ASXL3: variants seen among roughly 807,000 people sequenced by gnomAD.
ASXL3 encodes the protein ASXL transcriptional regulator 3, also known as putative Polycomb group protein ASXL3.
Under a neutral mutation model 170.6 loss-of-function variants are expected in ASXL3, and 34 were observed. The observed-to-expected ratio is 0.20, with a 90% confidence interval of 0.15 to 0.27. The LOEUF is 0.27. Ranked by LOEUF, ASXL3 falls within the 10% of genes least tolerant of loss-of-function variation. ASXL3 has a pLI of 1.00. For synonymous variants in ASXL3, 1,002 were observed against 989.1 expected (o/e 1.01, Z -0.24); for missense variants, 2,592 against 2,695.3 (o/e 0.96, Z 0.85).
At chr18:33,720,014 G>T (rs1011551947) in intron 8 of ASXL3, among the ~76,000 whole-genome samples, 8 of 152,016 alleles carry the variant, frequency 5.3e-5, no homozygotes, top group Non-Finnish European at 1.2e-4. Context: ...TATGGAAGAA[G>T]AAGTAGATCA....
chr18:33,617,454 G>A (rs1049433013), intron 2 of ASXL3, among the ~76,000 whole-genome samples: 3 of 152,246 alleles, frequency 2.0e-5, no homozygotes, highest in South Asian at 2.1e-4. Flanking sequence ...TGATGCCACC[G>A]CACTCCAGCC....
At chr18:33,620,692 A>G (rs2065498394) in intron 2 of ASXL3, among the ~76,000 whole-genome samples, 1 of 152,150 alleles carries the variant, frequency 6.6e-6, no homozygotes, top group African/African-American at 2.4e-5. Flanking sequence ...ATAGAGTGGT[A>G]AAGTCTTCTC....
chr18:33,677,279 C>G (rs2066444258), intron 7 of ASXL3, among the ~76,000 whole-genome samples: 1 of 152,032 alleles, frequency 6.6e-6, no homozygotes, highest in African/African-American at 2.4e-5. Flanking sequence ...TGAATAATAA[C>G]CCCACATCTT....
intron 8 of ASXL3, among the ~76,000 whole-genome samples, chr18:33,714,711 T>C (rs8092241): frequency 0.079 from 12,054 of 152,142 alleles, 524 homozygotes; most frequent in African/African-American, 0.084. Context: ...GTGGGGTACA[T>C]GTTCCACCAG....
intron 8 of ASXL3, among the ~76,000 whole-genome samples, chr18:33,699,685 T>C (rs1385787560): frequency 6.6e-6 from 1 of 152,066 alleles, no homozygotes; most frequent in African/African-American, 2.4e-5. Context: ...AATATGAAAA[T>C]GGAACGTGTG....
intron 8 of ASXL3, among the ~76,000 whole-genome samples, chr18:33,722,284 A>G (rs1245779880): frequency 1.3e-5 from 2 of 152,162 alleles, no homozygotes; most frequent in Non-Finnish European, 2.9e-5. Context: ...TGAGGAAGGC[A>G]TGTTGAAAGC....
At chr18:33,670,377 C>T (rs1488134239) in intron 5 of ASXL3, among the ~76,000 whole-genome samples, 1 of 152,190 alleles carries the variant, frequency 6.6e-6, no homozygotes, top group African/African-American at 2.4e-5. Flanking sequence ...TTTCAAATTC[C>T]ATGGACTCTC....
rs1472726518 is a variant in ASXL3 at position 33,683,520 on chromosome 18, G to T, written c.831G>T (p.Gln277His). The T allele has an allele frequency of 1.2e-6, 2 of 1,613,382 alleles. No individual in the cohort carries two copies. The highest frequency in any genetic ancestry group is 1.7e-6 in the Non-Finnish European group (2 of 1,179,628). The change falls in exon 8 of 12, where the codon CAG (glutamine) becomes CAT (histidine). Residue 277 changes from glutamine to histidine, a missense_variant. Transcript: ENST00000269197. ...AACATACGTTTGCTTCCTTACCTCA[G>T]CATTTTCAACAATACCTCCTGCTTT... ...INKHTFASLP[Q>H]HFQQYLLLLL... is the part of the protein sequence containing the mutation.
intron 7 of ASXL3, among the ~76,000 whole-genome samples, chr18:33,677,566 CT>C (rs2066448294): frequency 6.6e-6 from 1 of 152,160 alleles, no homozygotes; most frequent in Admixed American, 6.5e-5. Flanking sequence ...CTCATTTCAA[CT>C]TTGGACAATG....
At chr18:33,696,283 G>A (rs73955177) in intron 8 of ASXL3, among the ~76,000 whole-genome samples, 3,347 of 152,148 alleles carry the variant, frequency 0.022, 61 homozygotes, top group South Asian at 0.1. Flanking sequence ...TCATTGTAAA[G>A]GAATAAAGGA....
chr18:33,625,034 ATCACTGCCACGTTAATAC>A (rs1412751318), intron 2 of ASXL3, among the ~76,000 whole-genome samples: 1 of 152,158 alleles, frequency 6.6e-6, no homozygotes, highest in Non-Finnish European at 1.5e-5. Flanking sequence ...GGTTATTAGG[ATCACTGCCACGTTAATAC>A]TCCTTTATCA....
chr18:33,634,276 G>A (rs940834008), intron 2 of ASXL3, among the ~76,000 whole-genome samples: 1 of 150,780 alleles, frequency 6.6e-6, no homozygotes, highest in Non-Finnish European at 1.5e-5. Flanking sequence ...GAGTACCCAC[G>A]TTCCAACAAA....
At chr18:33,698,836 T>A (rs1270337718) in intron 8 of ASXL3, among the ~76,000 whole-genome samples, 1 of 152,140 alleles carries the variant, frequency 6.6e-6, no homozygotes, top group African/African-American at 2.4e-5. Flanking sequence ...GGGGAAAATA[T>A]GTGTTAAGTA....
At chr18:33,674,666 T>A (rs1250846066) in intron 7 of ASXL3, among the ~76,000 whole-genome samples, 1 of 151,902 alleles carries the variant, frequency 6.6e-6, no homozygotes, top group Non-Finnish European at 1.5e-5. Flanking sequence ...CGCTCCAGAC[T>A]GGAGTGCAGT....
chr18:33,708,792 GT>G (rs2067006288), intron 8 of ASXL3, among the ~76,000 whole-genome samples: 1 of 152,040 alleles, frequency 6.6e-6, no homozygotes, highest in Non-Finnish European at 1.5e-5. Flanking sequence ...CACATCTTTC[GT>G]TTGAATTTAT....
chr18:33,645,342 C>T (rs763083771), intron 3 of ASXL3, among the ~76,000 whole-genome samples: 2 of 151,604 alleles, frequency 1.3e-5, no homozygotes, highest in African/African-American at 2.4e-5. Flanking sequence ...ACTTAATGAC[C>T]GTCAGTTGAT....
Position 33,674,820 on chromosome 18 carries a change from A to G in ASXL3, c.715+2954A>G, listed in dbSNP as rs973209193. Among the ~76,000 whole-genome samples the G allele has an allele frequency of 4.0e-5, 6 of 151,830 alleles. No individual in the cohort carries two copies. The East Asian group carries it at 1.2e-3, about 30-fold the overall frequency. The stretch of plus-strand genomic sequence containing the variant: ...TTTTTAGTAGAGACGGGGTTTCACC[A>G]TGTTAGCCAGGATGGTCTCGATCTC... On this transcript the variant is annotated intron_variant, in intron 7 of 11. Coordinates refer to ENST00000269197, the MANE Select transcript of ASXL3 (RefSeq NM_030632.3).
At chr18:33,688,674 A>G (rs1376870336) in intron 8 of ASXL3, among the ~76,000 whole-genome samples, 1 of 152,212 alleles carries the variant, frequency 6.6e-6, no homozygotes, top group African/African-American at 2.4e-5. Flanking sequence ...CAATAGTGTC[A>G]AATGTACAAT....
At chr18:33,624,590 C>T (rs552937138) in intron 2 of ASXL3, among the ~76,000 whole-genome samples, 4 of 152,172 alleles carry the variant, frequency 2.6e-5, no homozygotes, top group South Asian at 2.1e-4. Flanking sequence ...AGTAGTATCC[C>T]GACAGTATTT....
Sources: gnomAD v4.1 joint callset for allele counts (sites outside exome capture counted in the v4.1 genomes callset) on GRCh38, gnomAD v4.1.1 for gene constraint, MANE v1.5 for transcripts, NCBI Gene and HGNC (gene_info 2026-07-23, HGNC 2026-07-21) for gene names.